The following ADI1 variants were observed in gnomAD, a reference collection of about 807,000 sequenced individuals.
ADI1 encodes the protein acireductone dioxygenase.
ADI1 carries 21 observed loss-of-function variants against 18.7 expected under a neutral mutation model. That is an observed-to-expected ratio of 1.13 (90% CI 0.80 to 1.62). The LOEUF (loss-of-function observed/expected upper bound fraction) is 1.62, where lower values mean the gene tolerates loss of function less well. Among genes scored for constraint, ADI1 ranks in the 40% most tolerant of loss-of-function variants. The pLI is 0.00. For missense variants in ADI1, 245 were observed against 254.9 expected, an observed-to-expected ratio of 0.96 and a Z score of 0.26; for synonymous variants, 90 against 100.1, an observed-to-expected ratio of 0.90 and a Z score of 0.60.
rs182509695 is a variant in ADI1 at position 3,508,449 on chromosome 2, G to A, written c.240+5408C>T. On this transcript the variant is annotated intron_variant, in intron 2 of 3. Coordinates refer to ENST00000327435, the MANE Select transcript of ADI1 (RefSeq NM_018269.4). ...CTGTATTAATAACCAATTTAAACATGAATGATCTAAATATACCATTAACAG... is the reference window on the plus strand; with the variant it reads ...CTGTATTAATAACCAATTTAAACATAAATGATCTAAATATACCATTAACAG... 4.0e-3 allele frequency among the ~76,000 whole-genome samples: 594 copies of A among 150,172 alleles called. 2 individuals are homozygous for A. Among genetic ancestry groups the A allele is most frequent in the Non-Finnish European group, 6.6e-3 (448 of 67,620 alleles).
intron 1 of ADI1, among the ~76,000 whole-genome samples, chr2:3,518,097 T>C (rs1384171987): frequency 6.6e-6 from 1 of 152,212 alleles, no homozygotes; most frequent in Non-Finnish European, 1.5e-5. Context: ...AATGGAAAAC[T>C]ATAAACCACT....
At position 3,516,706 on chromosome 2, in the gene ADI1, T is replaced by TTA. The variant is rs886185228; in HGVS notation, c.120+2660_120+2661dup. 6.1e-6 allele frequency: 6 copies of TTA among 982,400 alleles called. No homozygotes were observed. The African/African-American group carries it at 7.0e-5, about 11-fold the overall frequency. The allele number at this position is 982,400 out of a possible 1,614,324, so 60.9% of individuals were successfully genotyped here. ...AGTTTAAGCTATTTTTGTCATTTTG[T>TTA]TATAGCAGCAGGTATTTAGTTTATT... On this transcript the variant is annotated intron_variant, in intron 1 of 3. Transcript: ENST00000327435.
At chr2:3,506,708 C>G (rs573979149) in intron 2 of ADI1, among the ~76,000 whole-genome samples, 1 of 152,290 alleles carries the variant, frequency 6.6e-6, no homozygotes, top group East Asian at 1.9e-4. Flanking sequence ...TGAAGTTTAT[C>G]TGGAGAGGCA....
rs146793838 is a variant in ADI1 at position 3,502,148 on chromosome 2, T to G, written c.241-1155A>C. ...TCAAGAGATCCTCCTGCCTCAGCCT[T>G]CCCAGTAGCTGGGACTACAGGCGTG... On this transcript the variant is annotated intron_variant, in intron 2 of 3. Coordinates refer to ENST00000327435, the MANE Select transcript of ADI1 (RefSeq NM_018269.4). Among the ~76,000 whole-genome samples the G allele has an allele frequency of 7.2e-3, 1,087 of 151,860 alleles. 17 individuals are homozygous for G. Among genetic ancestry groups the G allele is most frequent in the African/African-American group, 0.023 (948 of 41,448 alleles).
chr2:3,507,293 A>C (rs1441008614), intron 2 of ADI1, among the ~76,000 whole-genome samples: 1 of 152,254 alleles, frequency 6.6e-6, no homozygotes, highest in East Asian at 1.9e-4. Flanking sequence ...ATTTTCCAAA[A>C]TTAATGACAG....
intron 2 of ADI1, among the ~76,000 whole-genome samples, chr2:3,513,331 G>A: frequency 6.6e-6 from 1 of 152,156 alleles, no homozygotes; most frequent in East Asian, 1.9e-4. Context: ...GATTTGGGAG[G>A]GGCCGGGGCA....
At position 3,499,044 on chromosome 2, in the gene ADI1, C is replaced by T. The variant is rs748794526; in HGVS notation, c.459G>A (p.Pro153=). Residue 153 remains proline, a synonymous_variant, in exon 4 of 4, where the codon CCG becomes CCA. Transcript: ENST00000327435. ...CGGGCCGGTTGTACGCTGTCCACAC[C>T]GGTTCTCCCACAAACAGCCGCATGG... ...TKAMRLFVGE[P]VWTAYNRPAD... is the part of the protein sequence containing the mutation. 40 of 1,614,008 alleles carry T rather than the reference C, an allele frequency of 2.5e-5. No homozygotes were observed. Among genetic ancestry groups the T allele is most frequent in the African/African-American group, 1.3e-4 (10 of 74,934 alleles).
chr2:3,504,099 G>A (rs891307386), intron 2 of ADI1, among the ~76,000 whole-genome samples: 5 of 152,162 alleles, frequency 3.3e-5, no homozygotes, highest in African/African-American at 2.4e-5. Context: ...AGTTACAGAG[G>A]AAAAGAAAAG....
At chr2:3,519,340 A>G in intron 1 of ADI1, 28 bp downstream of exon 1, 1 of 1,394,342 alleles carries the variant, frequency 7.2e-7, no homozygotes, top group Non-Finnish European at 9.3e-7. Flanking sequence ...CGTCGCCCGC[A>G]CGCTCTGCGA....
chr2:3,512,691 G>C (rs1221339110), intron 2 of ADI1, among the ~76,000 whole-genome samples: 1 of 152,240 alleles, frequency 6.6e-6, no homozygotes, highest in Admixed American at 6.5e-5. Context: ...GAAGTCTGTT[G>C]CAGGGTAGAA....
At chr2:3,499,341 C>T (rs1158962993) in intron 3 of ADI1, among the ~76,000 whole-genome samples, 8 of 152,088 alleles carry the variant, frequency 5.3e-5, no homozygotes, top group Admixed American at 3.9e-4. Flanking sequence ...TCCGCACCTC[C>T]GTGCTCTCTA....
intron 2 of ADI1, among the ~76,000 whole-genome samples, chr2:3,506,835 T>G (rs945965722): frequency 6.6e-6 from 1 of 152,180 alleles, no homozygotes; most frequent in South Asian, 2.1e-4. Context: ...ACTGGTGAAA[T>G]AGTAGAAAAA....
Position 3,499,048 on chromosome 2 carries a change from T to C in ADI1, c.455A>G (p.Glu152Gly). ...YTKAMRLFVG[E>G]PVWTAYNRPA... ...CCGGTTGTACGCTGTCCACACCGGT[T>C]CTCCCACAAACAGCCGCATGGCCTT... The change falls in exon 4 of 4, where the codon GAA (glutamate) becomes GGA (glycine). Residue 152 changes from glutamate to glycine, a missense_variant. By Grantham distance (98) the Glu-to-Gly change is moderately conservative (BLOSUM62 -2). Coordinates refer to ENST00000327435, the MANE Select transcript of ADI1 (RefSeq NM_018269.4). The C allele has an allele frequency of 6.2e-7, 1 of 1,614,078 alleles. No individual in the cohort carries two copies. Among genetic ancestry groups the C allele is most frequent in the Non-Finnish European group, 8.5e-7 (1 of 1,179,946 alleles).
rs548676733 is a variant in ADI1, at chr2:3,502,146, C to T, written c.241-1153G>A. Among the ~76,000 whole-genome samples, 76 of 152,238 alleles carry T rather than the reference C, an allele frequency of 5.0e-4. 1 individual carries two copies. Among genetic ancestry groups the T allele is most frequent in the African/African-American group, 1.7e-3 (70 of 41,542 alleles). Reference sequence around the variant, plus strand: ...GCTCAAGAGATCCTCCTGCCTCAGCCTTCCCAGTAGCTGGGACTACAGGCG... The same window carrying T: ...GCTCAAGAGATCCTCCTGCCTCAGCTTTCCCAGTAGCTGGGACTACAGGCG... On this transcript the variant is annotated intron_variant, in intron 2 of 3. Transcript: ENST00000327435.
intron 3 of ADI1, 58 bp from the exon 4 acceptor site, chr2:3,499,140 T>TTTG: frequency 6.3e-7 from 1 of 1,575,218 alleles, no homozygotes. Flanking sequence ...TTCTACTTAG[T>TTTG]ATTTATTAAC....
chr2:3,514,847 C>A (rs977161820), intron 1 of ADI1: 1 of 1,548,422 alleles, frequency 6.5e-7, no homozygotes, highest in Non-Finnish European at 8.7e-7. Flanking sequence ...TCAGGGACCC[C>A]GAATGGAGGG....
Position 3,514,539 on chromosome 2 carries a change from T to C in ADI1, c.121-563A>G, listed in dbSNP as rs116394946. Among the ~76,000 whole-genome samples the C allele has an allele frequency of 6.2e-3, 950 of 152,394 alleles. 15 individuals carry two copies. Among genetic ancestry groups the C allele is most frequent in the African/African-American group, 0.022 (908 of 41,596 alleles). Reference sequence around the variant, plus strand: ...ACTCTACATTCTAAACCAAATAGGATGATCGGCTATCTTAAAAATATTTGA... The same window carrying C: ...ACTCTACATTCTAAACCAAATAGGACGATCGGCTATCTTAAAAATATTTGA... On this transcript the variant is annotated intron_variant, in intron 1 of 3. Coordinates refer to ENST00000327435, the MANE Select transcript of ADI1 (RefSeq NM_018269.4).
intron 2 of ADI1, among the ~76,000 whole-genome samples, chr2:3,512,901 A>C (rs1434882809): frequency 6.6e-5 from 10 of 152,218 alleles, no homozygotes; most frequent in South Asian, 4.1e-4. Context: ...ATCCCATGAG[A>C]GCAACCTCAG....
intron 1 of ADI1, among the ~76,000 whole-genome samples, chr2:3,518,705 G>A (rs1667462525): frequency 6.6e-6 from 1 of 150,426 alleles, no homozygotes; most frequent in Admixed American, 6.6e-5. Context: ...CCCTCCCCCA[G>A]GACACTTTCA....
Sources: gnomAD v4.1 joint callset for allele counts (sites outside exome capture counted in the v4.1 genomes callset) on GRCh38, gnomAD v4.1.1 for gene constraint, MANE v1.5 for transcripts, NCBI Gene and HGNC (gene_info 2026-07-23, HGNC 2026-07-21) for gene names.